Variants in SPAG16 observed in about 807,000 individuals in gnomAD.
The protein encoded by SPAG16 is sperm-associated antigen 16 protein.
In SPAG16, 86 loss-of-function variants were observed where a neutral mutation model predicts 80.4. The observed-to-expected ratio is 1.07, with a 90% confidence interval of 0.90 to 1.28. The LOEUF (loss-of-function observed/expected upper bound fraction) is 1.28, where lower values mean the gene tolerates loss of function less well. SPAG16 is among the 50% of genes most tolerant of loss of function. The pLI is 0.00. For synonymous variants in SPAG16, 294 were observed against 265.9 expected (o/e 1.11, Z -1.03); for missense variants, 870 against 765.3 (o/e 1.14, Z -1.61).
chr2:213,965,865 C>T (rs2044686169), intron 12 of SPAG16, among the ~76,000 whole-genome samples: 1 of 152,202 alleles, frequency 6.6e-6, no homozygotes, highest in African/African-American at 2.4e-5. Flanking sequence ...CTTGGAATAA[C>T]ATAGCTACTC....
intron 11 of SPAG16, among the ~76,000 whole-genome samples, chr2:213,900,158 A>G (rs2042786): frequency 0.58 from 88,829 of 151,916 alleles, 27,797 homozygotes; most frequent in South Asian, 0.84. Context: ...AAATGGGTAC[A>G]CTGACAAATT....
intron 11 of SPAG16, among the ~76,000 whole-genome samples, chr2:213,890,264 T>G (rs891830524): frequency 7.9e-5 from 12 of 152,076 alleles, no homozygotes; most frequent in African/African-American, 2.9e-4. Context: ...AATATAGAAC[T>G]GTAAAATCTA....
intron 10 of SPAG16, among the ~76,000 whole-genome samples, chr2:213,677,023 T>A (rs2064118252): frequency 6.6e-6 from 1 of 151,998 alleles, no homozygotes. Context: ...TGGACTCTTT[T>A]TGGTTGGTAA....
chr2:213,875,104 A>T (rs1288478596), intron 11 of SPAG16, among the ~76,000 whole-genome samples: 2 of 108,242 alleles, frequency 1.8e-5, no homozygotes, highest in African/African-American at 5.5e-5. Context: ...ACCACATCAA[A>T]CTAATTTTTT....
At chr2:213,619,888 G>T (rs528664522) in intron 10 of SPAG16, among the ~76,000 whole-genome samples, 1 of 152,158 alleles carries the variant, frequency 6.6e-6, no homozygotes, top group African/African-American at 2.4e-5. Context: ...ACTATTCACA[G>T]TAGCCAAGAT....
At chr2:213,443,097 T>C (rs577150043) in intron 9 of SPAG16, among the ~76,000 whole-genome samples, 1 of 152,152 alleles carries the variant, frequency 6.6e-6, no homozygotes, top group Non-Finnish European at 1.5e-5. Flanking sequence ...ATATTATGCA[T>C]AGTAAAATGA....
chr2:214,251,590 A>T (rs1690296464), intron 15 of SPAG16, among the ~76,000 whole-genome samples: 1 of 152,118 alleles, frequency 6.6e-6, no homozygotes, highest in South Asian at 2.1e-4. Context: ...TCAGTTAGCA[A>T]ATTCATTTCA....
chr2:214,035,737 C>T (rs1240936161), intron 13 of SPAG16, among the ~76,000 whole-genome samples: 1 of 152,214 alleles, frequency 6.6e-6, no homozygotes, highest in African/African-American at 2.4e-5. Context: ...GTGGCTGTAA[C>T]TGTGCTCTTG....
At chr2:214,043,556 A>G (rs2049150717) in intron 13 of SPAG16, among the ~76,000 whole-genome samples, 2 of 152,272 alleles carry the variant, frequency 1.3e-5, no homozygotes, top group South Asian at 4.1e-4. Flanking sequence ...TATTAAATAC[A>G]TAATTGTCAG....
chr2:214,255,324 ATGTC>A (rs2125858272), intron 15 of SPAG16, among the ~76,000 whole-genome samples: 1 of 152,086 alleles, frequency 6.6e-6, no homozygotes, highest in East Asian at 1.9e-4. Flanking sequence ...ATTAATTAGA[ATGTC>A]TGTCACTCTG....
chr2:213,913,921 C>A (rs2077824974), intron 11 of SPAG16, among the ~76,000 whole-genome samples: 1 of 151,940 alleles, frequency 6.6e-6, no homozygotes, highest in South Asian at 2.1e-4. Flanking sequence ...CCTTTTAAGG[C>A]CTTCAACTGA....
chr2:214,351,388 C>CTGTGTG lies in SPAG16; in HGVS notation c.1721-58742_1721-58737dup, dbSNP rs140584779. On this transcript the variant is annotated intron_variant, in intron 15 of 15. Transcript: ENST00000331683. ...TACACAGATAGGATTGTCTGTGTGT[C>CTGTGTG]TGTGTGTGTGTGTGTAAAATACTTA... 1.8e-3 allele frequency among the ~76,000 whole-genome samples: 267 copies of CTGTGTG among 151,274 alleles called. 1 individual carries two copies. The highest frequency in any genetic ancestry group is 6.1e-3 in the African/African-American group (254 of 41,334).
intron 15 of SPAG16, among the ~76,000 whole-genome samples, chr2:214,399,955 C>T (rs941296712): frequency 6.6e-6 from 1 of 151,944 alleles, no homozygotes; most frequent in African/African-American, 2.4e-5. Flanking sequence ...TAGGTGAAGA[C>T]CAAGTTAGGA....
chr2:213,403,949 C>G lies in SPAG16; in HGVS notation c.942+28830C>G, dbSNP rs540296348. ...GAGAGCCAAATCATGAGTGAACTCCCATTCACAGTTGCTTCAAAGAGAATA... is the reference window on the plus strand; with the variant it reads ...GAGAGCCAAATCATGAGTGAACTCCGATTCACAGTTGCTTCAAAGAGAATA... On this transcript the variant is annotated intron_variant, in intron 9 of 15. Coordinates refer to ENST00000331683, the MANE Select transcript of SPAG16 (RefSeq NM_024532.5). Among the ~76,000 whole-genome samples, 147 of 152,258 alleles carry G rather than the reference C, an allele frequency of 9.7e-4. 3 individuals are homozygous for G. The highest frequency in any genetic ancestry group is 9.5e-3 in the Admixed American group (146 of 15,290).
chr2:213,463,022 T>G (rs1464620523), intron 9 of SPAG16, among the ~76,000 whole-genome samples: 1 of 152,200 alleles, frequency 6.6e-6, no homozygotes, highest in Non-Finnish European at 1.5e-5. Flanking sequence ...TTGACCAAAA[T>G]GCTGATAGTA....
chr2:213,721,103 TTTA>T (rs1249275178), intron 10 of SPAG16, among the ~76,000 whole-genome samples: 1 of 151,768 alleles, frequency 6.6e-6, no homozygotes, highest in Non-Finnish European at 1.5e-5. Context: ...CCAATTTTAT[TTTA>T]TTATTAGTTT....
chr2:213,347,999 C>CCT (rs1159839031), intron 6 of SPAG16, among the ~76,000 whole-genome samples: 2 of 152,116 alleles, frequency 1.3e-5, no homozygotes, highest in Non-Finnish European at 2.9e-5. Context: ...TAAAATCTCC[C>CCT]ATTATGATTG....
intron 9 of SPAG16, among the ~76,000 whole-genome samples, chr2:213,469,801 A>G (rs1313051437): frequency 6.6e-6 from 1 of 152,056 alleles, no homozygotes; most frequent in Non-Finnish European, 1.5e-5. Context: ...TTGATAGTCC[A>G]GGTCAATCAC....
intron 10 of SPAG16, among the ~76,000 whole-genome samples, chr2:213,746,044 A>C (rs1467925470): frequency 6.6e-6 from 1 of 152,248 alleles, no homozygotes; most frequent in Non-Finnish European, 1.5e-5. Flanking sequence ...TAATTGACTA[A>C]GTTCCTCATT....
Sources: gnomAD v4.1 joint callset for allele counts (sites outside exome capture counted in the v4.1 genomes callset) on GRCh38, gnomAD v4.1.1 for gene constraint, MANE v1.5 for transcripts, NCBI Gene and HGNC (gene_info 2026-07-23, HGNC 2026-07-21) for gene names.